Variants in NTM observed in about 807,000 individuals in gnomAD.
The protein encoded by NTM is neurotrimin, also known as IgLON family member 2.
A neutral mutation model predicts 42.1 loss-of-function variants in NTM; 13 were observed. The ratio of observed to expected loss-of-function variants is 0.31; its 90% confidence interval spans 0.20 to 0.49. The LOEUF is 0.49. Ranked by LOEUF, NTM falls within the 20% of genes least tolerant of loss-of-function variation. The probability of loss-of-function intolerance (pLI) is 0.99; values close to 1 mark genes in which losing one functional copy is unlikely to be tolerated. For missense variants in NTM, 373 were observed against 452.8 expected, an observed-to-expected ratio of 0.82 and a Z score of 1.60; for synonymous variants, 187 against 179.2, an observed-to-expected ratio of 1.04 and a Z score of -0.35.
chr11:131,660,782 A>G, intron 1 of NTM: 1 of 1,057,096 alleles, frequency 9.5e-7, no homozygotes, highest in Non-Finnish European at 1.2e-6. Flanking sequence ...CTACTTGCGA[A>G]CTCCTGAGTT....
chr11:132,265,881 AAC>A (rs1406881991), intron 4 of NTM, among the ~76,000 whole-genome samples: 23 of 152,318 alleles, frequency 1.5e-4, no homozygotes, highest in African/African-American at 5.1e-4. Flanking sequence ...AGCCCAGGGA[AAC>A]ACATCCGCAG....
At chr11:132,219,116 T>C (rs2084552472) in intron 4 of NTM, among the ~76,000 whole-genome samples, 1 of 152,206 alleles carries the variant, frequency 6.6e-6, no homozygotes, top group Admixed American at 6.5e-5. Flanking sequence ...TCTTTGACTT[T>C]GCACACCCCA....
intron 1 of NTM, among the ~76,000 whole-genome samples, chr11:131,702,411 TA>T (rs1472489139): frequency 1.3e-5 from 2 of 152,336 alleles, no homozygotes; most frequent in Admixed American, 6.5e-5. Context: ...GTAGCTACTG[TA>T]ATAACTCCAT....
At chr11:132,182,967 A>G (rs2077806295) in intron 3 of NTM, among the ~76,000 whole-genome samples, 1 of 152,152 alleles carries the variant, frequency 6.6e-6, no homozygotes, top group Non-Finnish European at 1.5e-5. Context: ...CATTTTCTGT[A>G]AGGCCCAAAC....
intron 1 of NTM, among the ~76,000 whole-genome samples, chr11:131,766,941 T>C (rs747087073): frequency 6.6e-6 from 1 of 152,200 alleles, no homozygotes; most frequent in Non-Finnish European, 1.5e-5. Flanking sequence ...CCCGTCCTTT[T>C]TTCCCAGTGG....
intron 1 of NTM, chr11:131,605,749 A>T: frequency 2.0e-6 from 2 of 975,830 alleles, no homozygotes; most frequent in Non-Finnish European, 2.4e-6. Flanking sequence ...TATCATTTAA[A>T]GTTTGAAAAA....
At position 131,934,850 on chromosome 11, in the gene NTM, G is replaced by T. The variant is rs115163606; in HGVS notation, c.167+23202G>T. Among the ~76,000 whole-genome samples, 936 of 152,300 alleles carry T rather than the reference G, an allele frequency of 6.1e-3. 8 individuals carry two copies. Among genetic ancestry groups the T allele is most frequent in the African/African-American group, 0.021 (888 of 41,558 alleles). ...GGGGAGAGGTGGAGCAGACAGACCT[G>T]CAGGGTCTGTAAGCCAGGCCACAGG... is the stretch of plus-strand genomic sequence containing the variant. On this transcript the variant is annotated intron_variant, in intron 2 of 8. Coordinates refer to ENST00000683400, the MANE Select transcript of NTM (RefSeq NM_001352005.2).
intron 1 of NTM, 42 bp from the exon 2 acceptor site, chr11:131,911,522 T>A (rs2137967506): frequency 6.2e-7 from 1 of 1,614,150 alleles, no homozygotes; most frequent in East Asian, 2.2e-5. Flanking sequence ...TGGAAGTGCC[T>A]CGTGGTCGTG....
intron 1 of NTM, among the ~76,000 whole-genome samples, chr11:131,620,107 T>C (rs918713252): frequency 6.6e-6 from 1 of 152,170 alleles, no homozygotes; most frequent in Non-Finnish European, 1.5e-5. Flanking sequence ...TTGGCACCAC[T>C]GAACATCTCA....
At chr11:131,910,885 G>T in intron 1 of NTM, 1 of 985,506 alleles carries the variant, frequency 1.0e-6, no homozygotes, top group Non-Finnish European at 1.2e-6. Flanking sequence ...TCCCGGGCCC[G>T]GATCGCACGA....
At position 131,711,445 on chromosome 11, in the gene NTM, C is replaced by T. The variant is rs1341380468; in HGVS notation, c.83-200119C>T. ...ACCACAATGAGATACAATCTCACAC[C>T]AGTTAGAATGGCAATCATTAAAAAG... On this transcript the variant is annotated intron_variant, in intron 1 of 8. Coordinates refer to ENST00000683400, the MANE Select transcript of NTM (RefSeq NM_001352005.2). Among the ~76,000 whole-genome samples the T allele has an allele frequency of 3.9e-5, 6 of 152,302 alleles. No individual in the cohort carries two copies. In the South Asian group the frequency reaches 1.0e-3, roughly 26 times the overall value.
chr11:132,276,006 T>C (rs2093713034), intron 4 of NTM, among the ~76,000 whole-genome samples: 1 of 152,000 alleles, frequency 6.6e-6, no homozygotes, highest in African/African-American at 2.4e-5. Flanking sequence ...TTCTCCTTGC[T>C]AGTCTCTGAT....
chr11:131,478,993 A>G (rs143808595), intron 1 of NTM, among the ~76,000 whole-genome samples: 1 of 152,364 alleles, frequency 6.6e-6, no homozygotes, highest in East Asian at 1.9e-4. Flanking sequence ...TCACTCGCCC[A>G]GGGCAGCACT....
chr11:131,465,624 T>C (rs999072878), intron 1 of NTM, among the ~76,000 whole-genome samples: 1 of 152,188 alleles, frequency 6.6e-6, no homozygotes, highest in African/African-American at 2.4e-5. Flanking sequence ...GACCTGTGAT[T>C]TTACAGAGCA....
chr11:132,162,413 G>A (rs1182230649), intron 3 of NTM, among the ~76,000 whole-genome samples: 1 of 149,104 alleles, frequency 6.7e-6, no homozygotes, highest in Non-Finnish European at 1.5e-5. Flanking sequence ...GTATTTGTGG[G>A]ACATGTGTTA....
chr11:131,746,559 A>T (rs2081857441), intron 1 of NTM, among the ~76,000 whole-genome samples: 1 of 152,212 alleles, frequency 6.6e-6, no homozygotes, highest in South Asian at 2.1e-4. Context: ...TTCCAGATCA[A>T]GATAAGCATT....
intron 2 of NTM, among the ~76,000 whole-genome samples, chr11:131,953,602 G>A (rs965932689): frequency 6.6e-6 from 1 of 152,192 alleles, no homozygotes; most frequent in African/African-American, 2.4e-5. Context: ...TGAAGTGATG[G>A]CTTTCTGTGT....
intron 2 of NTM, among the ~76,000 whole-genome samples, chr11:131,972,966 A>G (rs1174587689): frequency 6.6e-6 from 1 of 152,242 alleles, no homozygotes; most frequent in African/African-American, 2.4e-5. Context: ...AACCAGGCAG[A>G]TAAACAAATA....
At chr11:132,179,699 G>A (rs1485238653) in intron 3 of NTM, among the ~76,000 whole-genome samples, 1 of 152,190 alleles carries the variant, frequency 6.6e-6, no homozygotes, top group Non-Finnish European at 1.5e-5. Context: ...GGGGAACAGT[G>A]TGGATGGCCT....
Sources: gnomAD v4.1 joint callset for allele counts (sites outside exome capture counted in the v4.1 genomes callset) on GRCh38, gnomAD v4.1.1 for gene constraint, MANE v1.5 for transcripts, NCBI Gene and HGNC (gene_info 2026-07-23, HGNC 2026-07-21) for gene names.